CNGA1: variants seen among roughly 807,000 people sequenced by gnomAD.
The protein encoded by CNGA1 is cyclic nucleotide-gated channel alpha-1.
CNGA1 carries 53 observed loss-of-function variants against 69.7 expected under a neutral mutation model. The observed-to-expected ratio is 0.76, with a 90% CI of 0.61 to 0.96. CNGA1 has a LOEUF of 0.96. Among genes scored for constraint, CNGA1 ranks in the 40% least tolerant of loss-of-function variants. CNGA1 has a pLI of 0.00. For synonymous variants in CNGA1, 249 were observed against 283.5 expected (o/e 0.88, Z 1.22); for missense variants, 739 against 811.2 (o/e 0.91, Z 1.08).
chr4:47,970,949 A>G (rs1197938219), intron 3 of CNGA1: 2 of 453,856 alleles, frequency 4.4e-6, no homozygotes, highest in Admixed American at 4.7e-5. Context: ...TGAGATCAGG[A>G]GTTCAAGTCC....
At chr4:47,976,689 C>A (rs1741437211) in intron 3 of CNGA1, among the ~76,000 whole-genome samples, 1 of 152,082 alleles carries the variant, frequency 6.6e-6, no homozygotes, top group African/African-American at 2.4e-5. Context: ...TTTTCACTTG[C>A]AAACAATTTA....
chr4:47,946,245 G>A (rs1291302577), intron 6 of CNGA1, among the ~76,000 whole-genome samples: 1 of 150,338 alleles, frequency 6.7e-6, no homozygotes, highest in Non-Finnish European at 1.5e-5. Flanking sequence ...GATCCTAATG[G>A]ATAGCAATAG....
rs773862362 is a variant in CNGA1 at position 47,943,238 on chromosome 4, T to A, written c.380A>T (p.Lys127Met). 18 of 1,592,280 alleles carry A rather than the reference T, an allele frequency of 1.1e-5. No homozygotes were observed. The East Asian group carries it at 3.4e-4, about 30-fold the overall frequency. Reference protein sequence around the residue: ...ENKNDPEKKKKKKDKEKKKKE... With the variant: ...ENKNDPEKKKMKKDKEKKKKE... ...CTTTTTCTTCTCTTTGTCCTTTTTC[T>A]TCTTTTTCTTCTCTGGGTCGTTTTT... Residue 127 changes from lysine (K) to methionine (M), a missense_variant, in exon 8 of 11, where the codon AAG becomes ATG. Coordinates refer to ENST00000514170, the MANE Select transcript of CNGA1 (RefSeq NM_001379270.1).
chr4:47,974,549 C>A (rs1741245069), intron 3 of CNGA1, among the ~76,000 whole-genome samples: 1 of 151,680 alleles, frequency 6.6e-6, no homozygotes, highest in African/African-American at 2.4e-5. Flanking sequence ...CATTATTGGG[C>A]AGGGTGCATG....
chr4:47,955,056 T>A (rs529787105), intron 3 of CNGA1, among the ~76,000 whole-genome samples: 40 of 152,314 alleles, frequency 2.6e-4, no homozygotes, highest in Non-Finnish European at 4.7e-4. Flanking sequence ...TATTTTAGTA[T>A]CACTTTTTCC....
intron 6 of CNGA1, among the ~76,000 whole-genome samples, chr4:47,947,154 C>T (rs1739444643): frequency 6.6e-6 from 1 of 152,122 alleles, no homozygotes; most frequent in Non-Finnish European, 1.5e-5. Context: ...TGTCATTTTC[C>T]ACTCAGCACC....
In CNGA1 at chr4:47,936,591, C is replaced by T; in HGVS notation, c.1891G>A (p.Asp631Asn). Residue 631 changes from aspartate to asparagine, a missense_variant, in exon 11 of 11, where the codon GAC becomes AAC. By Grantham distance (23) the Asp-to-Asn change is conservative. Coordinates refer to ENST00000514170, the MANE Select transcript of CNGA1 (RefSeq NM_001379270.1). ...EKVTRMEGSV[D>N]LLQTRFARIL... ...CGGGCAAACCTGGTTTGCAGGAGGT[C>T]TACTGACCCCTCCATTCGAGTAACC... The T allele has an allele frequency of 1.9e-6, 3 of 1,614,190 alleles. No homozygotes were observed. Among genetic ancestry groups the T allele is most frequent in the Non-Finnish European group, 2.5e-6 (3 of 1,180,032 alleles).
chr4:47,959,576 T>C lies in CNGA1; in HGVS notation c.-14-6873A>G, dbSNP rs377294894. Among the ~76,000 whole-genome samples the C allele has an allele frequency of 1.4e-4, 22 of 152,226 alleles. No homozygotes were observed. In the East Asian group the frequency reaches 3.9e-3, roughly 27 times the overall value. On this transcript the variant is annotated intron_variant, in intron 3 of 10. Coordinates refer to ENST00000514170, the MANE Select transcript of CNGA1 (RefSeq NM_001379270.1). The stretch of plus-strand genomic sequence containing the variant: ...TCATAACTTTGGGGTAGGCAAAGTT[T>C]CTTAGAAAGGGCACAAAAAAGACAC...
At position 47,994,535 on chromosome 4, in the gene CNGA1, C is replaced by A. The variant is rs185008149; in HGVS notation, c.-122-13035G>T. ...TTTTGCATGAAACGTCTTTTTCCAC[C>A]CCTTTATCTTAAGTTTATGTGAGTC... On this transcript the variant is annotated intron_variant, in intron 2 of 10. Transcript: ENST00000514170. Among the ~76,000 whole-genome samples the A allele has an allele frequency of 2.4e-3, 358 of 152,076 alleles. 4 individuals are homozygous for A. Among genetic ancestry groups the A allele is most frequent in the Admixed American group, 0.019 (283 of 15,258 alleles).
intron 3 of CNGA1, among the ~76,000 whole-genome samples, chr4:47,956,626 C>G (rs1034281933): frequency 6.6e-6 from 1 of 152,102 alleles, no homozygotes; most frequent in Non-Finnish European, 1.5e-5. Flanking sequence ...TGAACAAATT[C>G]TTTTCCTGAT....
At chr4:48,007,183 T>G (rs1282724099) in intron 2 of CNGA1, among the ~76,000 whole-genome samples, 2 of 152,176 alleles carry the variant, frequency 1.3e-5, no homozygotes, top group Non-Finnish European at 2.9e-5. Flanking sequence ...ATCTATAAAA[T>G]CTTAATATTG....
At chr4:47,951,175 C>T (rs1027382835) in intron 5 of CNGA1, among the ~76,000 whole-genome samples, 178 bp downstream of exon 5, 1 of 152,216 alleles carries the variant, frequency 6.6e-6, no homozygotes, top group African/African-American at 2.4e-5. Context: ...TCCGAAACAA[C>T]AGTTTACAAA....
In CNGA1 at chr4:47,992,142, C is replaced by T. The variant is rs181984764; in HGVS notation, c.-122-10642G>A. On this transcript the variant is annotated intron_variant, in intron 2 of 10. Coordinates refer to ENST00000514170, the MANE Select transcript of CNGA1 (RefSeq NM_001379270.1). Reference sequence around the variant, plus strand: ...CTCTTTTTGCTTAGTCTTGCTTTGGCTATAAGGGCTCTTTTTTGGTTCCAT... The same window carrying T: ...CTCTTTTTGCTTAGTCTTGCTTTGGTTATAAGGGCTCTTTTTTGGTTCCAT... Among the ~76,000 whole-genome samples the T allele has an allele frequency of 2.7e-3, 408 of 152,128 alleles. 2 individuals are homozygous for T. Among genetic ancestry groups the T allele is most frequent in the Middle Eastern group, 0.014 (4 of 294 alleles).
At chr4:47,984,799 G>A (rs569702129) in intron 2 of CNGA1, among the ~76,000 whole-genome samples, 5 of 151,952 alleles carry the variant, frequency 3.3e-5, no homozygotes, top group Non-Finnish European at 5.9e-5. Context: ...ACCTCTGTGG[G>A]TCTCCTTAAT....
At chr4:47,962,370 G>A (rs1740494611) in intron 3 of CNGA1, among the ~76,000 whole-genome samples, 1 of 151,080 alleles carries the variant, frequency 6.6e-6, no homozygotes, top group African/African-American at 2.4e-5. Flanking sequence ...TTGATTACAT[G>A]TTGGAATAAT....
At chr4:48,011,428 CACAT>C (rs1414498084) in intron 1 of CNGA1, among the ~76,000 whole-genome samples, 1 of 151,664 alleles carries the variant, frequency 6.6e-6, no homozygotes, top group African/African-American at 2.4e-5. Context: ...CACACACACA[CACAT>C]CTTGGATGTT....
intron 6 of CNGA1, among the ~76,000 whole-genome samples, chr4:47,946,082 C>T (rs533725068): frequency 2.6e-5 from 4 of 152,274 alleles, no homozygotes; most frequent in African/African-American, 9.6e-5. Flanking sequence ...GAGGAGAAGC[C>T]CTTAAGCTGC....
chr4:47,945,648 T>C (rs1275969843), intron 6 of CNGA1, among the ~76,000 whole-genome samples: 1 of 152,208 alleles, frequency 6.6e-6, no homozygotes, highest in Admixed American at 6.5e-5. Flanking sequence ...ATTTCTCCAG[T>C]TCCTAAATGT....
At chr4:47,947,764 T>A (rs1406899959) in intron 6 of CNGA1, among the ~76,000 whole-genome samples, 4 of 152,228 alleles carry the variant, frequency 2.6e-5, no homozygotes, top group Non-Finnish European at 5.9e-5. Flanking sequence ...ATGCCTTGAC[T>A]GGTTGGTCAG....
Sources: gnomAD v4.1 joint callset for allele counts (sites outside exome capture counted in the v4.1 genomes callset) on GRCh38, gnomAD v4.1.1 for gene constraint, MANE v1.5 for transcripts, NCBI Gene and HGNC (gene_info 2026-07-23, HGNC 2026-07-21) for gene names.